MEF2C: variants seen among roughly 807,000 people sequenced by gnomAD.
MEF2C encodes the protein myocyte-specific enhancer factor 2C.
A neutral mutation model predicts 50.5 loss-of-function variants in MEF2C; 6 were observed. That is an observed-to-expected ratio of 0.12 (90% CI 0.07 to 0.23). The LOEUF is 0.23. Among genes scored for constraint, MEF2C ranks in the 10% least tolerant of loss-of-function variants. The probability of loss-of-function intolerance (pLI) is 1.00; values close to 1 mark genes in which losing one functional copy is unlikely to be tolerated. For synonymous variants in MEF2C, 183 were observed against 228.0 expected (o/e 0.80, Z 1.78); for missense variants, 276 against 605.0 (o/e 0.46, Z 5.70).
intron 1 of MEF2C, among the ~76,000 whole-genome samples, chr5:88,892,937 CA>C (rs1282582256): frequency 1.3e-5 from 2 of 152,194 alleles, no homozygotes; most frequent in Non-Finnish European, 2.9e-5. Context: ...GGGTAGCCCA[CA>C]GAATGCCTAA....
chr5:88,737,908 C>A (rs1764782295), intron 6 of MEF2C: 1 of 985,136 alleles, frequency 1.0e-6, no homozygotes, highest in Non-Finnish European at 1.2e-6. Flanking sequence ...TAGTTGTTAG[C>A]TTTATTAAAT....
At chr5:88,897,125 T>C (rs1483224071) in intron 1 of MEF2C, among the ~76,000 whole-genome samples, 1 of 152,216 alleles carries the variant, frequency 6.6e-6, no homozygotes, top group Non-Finnish European at 1.5e-5. Flanking sequence ...ATGATGCATG[T>C]TATAGATAAT....
Position 88,751,999 on chromosome 5 carries a change from C to G in MEF2C, c.447G>C (p.Val149=), listed in dbSNP as rs1554112223. The change falls in exon 5 of 11, where the codon GTG becomes GTC. Residue 149 remains valine (V), a synonymous_variant. Transcript: ENST00000504921. The stretch of plus-strand genomic sequence containing the variant: ...TGTACACCAAACTGTTGTGGCTGGA[C>G]ACTGGGATGGAGACTGGCATCTCGA... ...PNFEMPVSIP[V]SSHNSLVYSN... 1 of 1,612,960 alleles carries G rather than the reference C, an allele frequency of 6.2e-7. No homozygotes were observed. Among genetic ancestry groups the G allele is most frequent in the Non-Finnish European group, 8.5e-7 (1 of 1,179,398 alleles).
In MEF2C at chr5:88,736,592, A is replaced by C; in HGVS notation, c.638-4691T>G. On this transcript the variant is annotated intron_variant, in intron 6 of 10. Coordinates refer to ENST00000504921, the MANE Select transcript of MEF2C (RefSeq NM_002397.5). The stretch of plus-strand genomic sequence containing the variant: ...TTGAGGGGTTCTTCACCAGGCCTTA[A>C]GAGGAGTTTCAGGCCTTCAGAGGAG... 3.1e-6 allele frequency: 3 copies of C among 975,252 alleles called. No homozygotes were observed. In the African/African-American group the frequency reaches 5.3e-5, roughly 17 times the overall value. 60.4% of individuals were successfully genotyped at this position (975,252 alleles called of 1,614,324 possible).
At chr5:88,768,685 AG>A in intron 3 of MEF2C, 1 of 985,284 alleles carries the variant, frequency 1.0e-6, no homozygotes, top group Non-Finnish European at 1.2e-6. Context: ...AGAACAGAAA[AG>A]AATGTTCAAA....
At chr5:88,791,685 T>C (rs1387177758) in intron 3 of MEF2C, among the ~76,000 whole-genome samples, 2 of 152,118 alleles carry the variant, frequency 1.3e-5, no homozygotes, top group South Asian at 2.1e-4. Flanking sequence ...ATACAAATCA[T>C]TGTGGTATAG....
chr5:88,818,100 T>C (rs1806380881), intron 2 of MEF2C, among the ~76,000 whole-genome samples: 1 of 151,158 alleles, frequency 6.6e-6, no homozygotes, highest in Non-Finnish European at 1.5e-5. Context: ...ATATTGGAGG[T>C]TTCCAAGACA....
intron 1 of MEF2C, among the ~76,000 whole-genome samples, chr5:88,871,952 T>TA (rs962290971): frequency 4.6e-5 from 7 of 152,108 alleles, no homozygotes; most frequent in African/African-American, 1.7e-4. Context: ...TCTTTTCAAA[T>TA]AAAAAATGCA....
intron 1 of MEF2C, among the ~76,000 whole-genome samples, chr5:88,875,365 T>A (rs541680828): frequency 6.6e-6 from 1 of 151,998 alleles, no homozygotes; most frequent in South Asian, 2.1e-4. Context: ...GCACCACACA[T>A]TGTGGTGGAA....
chr5:88,856,886 G>T (rs1823618667), intron 1 of MEF2C, among the ~76,000 whole-genome samples: 1 of 152,216 alleles, frequency 6.6e-6, no homozygotes, highest in Non-Finnish European at 1.5e-5. Flanking sequence ...GAAATATGTG[G>T]TCAGAGCCCT....
At chr5:88,816,949 G>C (rs1030830897) in intron 2 of MEF2C, among the ~76,000 whole-genome samples, 3 of 151,744 alleles carry the variant, frequency 2.0e-5, no homozygotes, top group Middle Eastern at 3.2e-3. Flanking sequence ...AGAGATTCCA[G>C]ATACTTCTTG....
intron 6 of MEF2C, among the ~76,000 whole-genome samples, chr5:88,747,314 ATTTTTTTTTTTTTTACTACTTTT>A (rs1561794682): frequency 4.5e-5 from 1 of 22,192 alleles, no homozygotes; most frequent in Non-Finnish European, 1.6e-4. Context: ...TTTCCTCCAC[ATTTTTTTTTTTTTTACTACTTTT>A]TTTTTTTTTT....
intron 6 of MEF2C, chr5:88,741,143 C>G: frequency 1.0e-6 from 1 of 985,404 alleles, no homozygotes; most frequent in Non-Finnish European, 1.2e-6. Context: ...GAGCCCCGTG[C>G]TGGACATCTC....
chr5:88,740,421 CG>C (rs1766102352), intron 6 of MEF2C: 30 of 985,068 alleles, frequency 3.0e-5, no homozygotes, highest in Non-Finnish European at 3.4e-5. Flanking sequence ...TTTGTGTTGG[CG>C]AACATTTTCT....
intron 1 of MEF2C, among the ~76,000 whole-genome samples, chr5:88,889,878 A>T (rs1834345395): frequency 6.6e-6 from 1 of 152,186 alleles, no homozygotes; most frequent in Non-Finnish European, 1.5e-5. Context: ...CCAGGGGCCA[A>T]GTAAAATGAA....
intron 1 of MEF2C, among the ~76,000 whole-genome samples, chr5:88,899,845 A>G (rs1276494627): frequency 3.9e-5 from 6 of 152,174 alleles, no homozygotes; most frequent in Non-Finnish European, 8.8e-5. Context: ...AAGCAAATAT[A>G]TTTTCAAATT....
intron 6 of MEF2C, chr5:88,742,334 T>C: frequency 3.0e-6 from 3 of 985,034 alleles, no homozygotes; most frequent in Non-Finnish European, 3.6e-6. Flanking sequence ...GAGAAAAGAC[T>C]GCTTTGAGAA....
chr5:88,761,408 G>C, intron 3 of MEF2C, 80 bp from the exon 4 acceptor site: 1 of 1,488,358 alleles, frequency 6.7e-7, no homozygotes, highest in Admixed American at 2.2e-5. Flanking sequence ...AGTTCAAGCT[G>C]TCCAGTATTT....
intron 1 of MEF2C, chr5:88,889,389 T>TCC (rs35847525): frequency 2.1e-4 from 30 of 144,496 alleles, no homozygotes; most frequent in African/African-American, 2.6e-4. Context: ...TCCCCCCCCT[T>TCC]CCCCCCCCCC....
Sources: allele counts gnomAD v4.1 joint callset (sites outside exome capture counted in the v4.1 genomes callset), GRCh38; gene constraint gnomAD v4.1.1; transcripts MANE v1.5; gene names NCBI Gene and HGNC (gene_info 2026-07-23, HGNC 2026-07-21).